The following ZNF91 variants were observed in gnomAD, a reference collection of about 807,000 sequenced individuals.
The protein encoded by ZNF91 is zinc finger protein 91 (HPF7, HTF10).
In ZNF91, 7 loss-of-function variants were observed where a neutral mutation model predicts 12.6. That is an observed-to-expected ratio of 0.55 (90% CI 0.31 to 1.04). The LOEUF (loss-of-function observed/expected upper bound fraction) is 1.04. Among genes scored for constraint, ZNF91 ranks in the 50% least tolerant of loss-of-function variants. The probability of loss-of-function intolerance (pLI) is 0.05; values close to 1 mark genes in which losing one functional copy is unlikely to be tolerated. For missense variants in ZNF91, 1,217 were observed against 1,385.4 expected (o/e 0.88, Z 1.93); for synonymous variants, 453 against 462.6 (o/e 0.98, Z 0.27).
rs530583662 is a variant in ZNF91 at position 23,330,159 on chromosome 19, C to T, written n.117-21062G>A. Among the ~76,000 whole-genome samples, 102 of 152,002 alleles carry T rather than the reference C, an allele frequency of 6.7e-4. 2 individuals carry two copies. Among genetic ancestry groups the T allele is most frequent in the Middle Eastern group, 3.4e-3 (1 of 294 alleles). ...CAGCTTTGTCAACATGGTGAAAGCTCGCCTCTACTAAATATATAAAAATCA... is the reference window on the plus strand; with the variant it reads ...CAGCTTTGTCAACATGGTGAAAGCTTGCCTCTACTAAATATATAAAAATCA... On this transcript the variant is annotated intron_variant and non_coding_transcript_variant, in intron 1 of 1. Transcript: ENST00000596528.
Position 23,373,722 on chromosome 19 carries a change from T to A in ZNF91, c.253+20A>T. 2 of 1,596,130 alleles carry A rather than the reference T, an allele frequency of 1.3e-6. No individual in the cohort carries two copies. The highest frequency in any genetic ancestry group is 3.3e-4 in the Middle Eastern group (2 of 6,004). On this transcript the variant is annotated intron_variant, in intron 3 of 3. Transcript: ENST00000300619. ...TTGGGCCTCTCATCCTTGTCGTCTG[T>A]TGTATTCACTCTCACCTACCTGTGG... is the stretch of plus-strand genomic sequence containing the variant.
In ZNF91 at chr19:23,376,699, A is replaced by G. The variant is rs151247365; in HGVS notation, c.31-1935T>C. On this transcript the variant is annotated intron_variant, in intron 1 of 3. Coordinates refer to ENST00000300619, the MANE Select transcript of ZNF91 (RefSeq NM_003430.4). ...CCACCACGCCTGGCCTATCATAAGC[A>G]TTTTTAAAAGTAGTTAAGACAAACT... Among the ~76,000 whole-genome samples, 1,521 of 152,244 alleles carry G rather than the reference A, an allele frequency of 1.0e-2. 35 individuals are homozygous for G. The highest frequency in any genetic ancestry group is 0.035 in the African/African-American group (1,443 of 41,528).
At chr19:23,390,076 G>A (rs1970009682) in intron 1 of ZNF91, among the ~76,000 whole-genome samples, 1 of 152,130 alleles carries the variant, frequency 6.6e-6, no homozygotes, top group South Asian at 2.1e-4. Flanking sequence ...CACCACTTCG[G>A]GAGGCTGAGA....
intron 1 of ZNF91, among the ~76,000 whole-genome samples, chr19:23,389,734 A>C (rs1568405508): frequency 6.6e-6 from 1 of 152,132 alleles, no homozygotes; most frequent in African/African-American, 2.4e-5. Context: ...TCTGGCACCA[A>C]ATCTGTAGAG....
chr19:23,375,770 G>A (rs908584595), intron 1 of ZNF91, among the ~76,000 whole-genome samples: 1 of 151,976 alleles, frequency 6.6e-6, no homozygotes, highest in African/African-American at 2.4e-5. Context: ...CACATCACCT[G>A]CATAAAGATA....
intron 3 of ZNF91, among the ~76,000 whole-genome samples, chr19:23,364,311 G>A (rs1968917597): frequency 6.6e-6 from 1 of 152,176 alleles, no homozygotes; most frequent in Non-Finnish European, 1.5e-5. Flanking sequence ...GCTGTGCGTG[G>A]TGGCACATGC....
intron 3 of ZNF91, among the ~76,000 whole-genome samples, chr19:23,373,387 A>ATATATATATATATATAT (rs1568395319): frequency 6.4e-5 from 5 of 78,036 alleles, no homozygotes; most frequent in Non-Finnish European, 1.5e-4. Flanking sequence ...TATATATATA[A>ATATATATATATATATAT]ATAAACAGTA....
Position 23,362,453 on chromosome 19 carries a change from G to A in ZNF91, c.526C>T (p.His176Tyr), listed in dbSNP as rs759506688. The A allele has an allele frequency of 1.9e-6, 3 of 1,612,250 alleles. No homozygotes were observed. The highest frequency in any genetic ancestry group is 2.5e-6 in the Non-Finnish European group (3 of 1,179,544). Residue 176 changes from histidine (H) to tyrosine (Y), a missense_variant, in exon 4 of 4, where the codon CAT (histidine) becomes TAT (tyrosine). Around this residue, in one of 2 missense-constraint regions of ZNF91, gnomAD observed 726 missense variants for 895.5 expected, o/e 0.81. Coordinates refer to ENST00000300619, the MANE Select transcript of ZNF91 (RefSeq NM_003430.4). ...FLNSNRHTIRHTGKKCFKCKK... is the reference protein window; with the variant it reads ...FLNSNRHTIRYTGKKCFKCKK... ...CATTTGAAGCATTTCTTTCCAGTAT[G>A]TCTTATCGTATGTCTGTTTGAATTT...
rs1281202367 is a variant in ZNF91 at position 23,395,448 on chromosome 19, G to C, written c.-94C>G. ...CACAGAGCAGTGAAGTCGAGACCTGGAAACTCCGGCGGCAGCGAGAGACAA... is the reference window on the plus strand; with the variant it reads ...CACAGAGCAGTGAAGTCGAGACCTGCAAACTCCGGCGGCAGCGAGAGACAA... On this transcript the variant is annotated 5_prime_UTR_variant, in exon 1 of 4. Coordinates refer to ENST00000300619, the MANE Select transcript of ZNF91 (RefSeq NM_003430.4). 2.7e-6 allele frequency: 4 copies of C among 1,483,734 alleles called. No homozygotes were observed. The highest frequency in any genetic ancestry group is 3.7e-6 in the Non-Finnish European group (4 of 1,086,278). 91.9% of individuals were successfully genotyped at this position (1,483,734 alleles called of 1,614,324 possible). A position where few individuals can be genotyped will look rare whatever the true frequency, so the allele number is the denominator to read the frequency against.
intron 1 of ZNF91, among the ~76,000 whole-genome samples, chr19:23,320,394 CT>C (rs1967663367): frequency 6.6e-6 from 1 of 152,154 alleles, no homozygotes; most frequent in Non-Finnish European, 1.5e-5. Flanking sequence ...CTATAAAGAA[CT>C]GCCCAAGACC....
chr19:23,368,556 C>CTATATA (rs1380653223), intron 3 of ZNF91, among the ~76,000 whole-genome samples: 122 of 117,808 alleles, frequency 1.0e-3, no homozygotes, highest in Middle Eastern at 4.6e-3. Context: ...CTCTCTCTCT[C>CTATATA]TCTCTCTATA....
chr19:23,360,160 C>G lies in ZNF91; in HGVS notation c.2819G>C (p.Cys940Ser). Residue 940 changes from cysteine to serine, a missense_variant, in exon 4 of 4, where the codon TGT becomes TCT. By Grantham distance (112) the Cys-to-Ser change is moderately radical. Transcript: ENST00000300619. ...GCTAAAAGCTTTGCCACATTCTTCA[C>G]ATTTGTAGGGTTTCTCTCCAGTGTG... ...RMHTGEKPYK[C>S]EECGKAFSQS... The G allele has an allele frequency of 6.2e-7, 1 of 1,613,796 alleles. No individual in the cohort carries two copies. Among genetic ancestry groups the G allele is most frequent in the Non-Finnish European group, 8.5e-7 (1 of 1,180,014 alleles).
chr19:23,394,449 G>A (rs1181897325), intron 1 of ZNF91, among the ~76,000 whole-genome samples: 18 of 152,232 alleles, frequency 1.2e-4, no homozygotes, highest in African/African-American at 2.4e-5. Flanking sequence ...TAAGAAACTA[G>A]GCCAGGTGCG....
At position 23,361,032 on chromosome 19, in the gene ZNF91, C is replaced by T. The variant is rs7255296; in HGVS notation, c.1947G>A (p.Lys649=). Residue 649 remains lysine, a synonymous_variant, in exon 4 of 4, where the codon AAG becomes AAA. Coordinates refer to ENST00000300619, the MANE Select transcript of ZNF91 (RefSeq NM_003430.4). ...FSHSSALAKH[K]RIHTGEKPYK... ...AGGGTTTCTCTCCAGTATGAATTCT[C>T]TTATGTTTAGCAAGGGCTGAAGAAT... 0.2 allele frequency: 315,061 copies of T among 1,611,962 alleles called. 32,136 individuals are homozygous for T. The highest frequency in any genetic ancestry group is 0.21 in the Non-Finnish European group (251,706 of 1,178,932).
chr19:23,359,133 A>G lies in ZNF91; in HGVS notation c.*270T>C, dbSNP rs1300522805. 3.7e-6 allele frequency: 2 copies of G among 536,694 alleles called. No homozygotes were observed. The highest frequency in any genetic ancestry group is 7.1e-6 in the Non-Finnish European group (2 of 282,810). The allele number at this position is 536,694 out of a possible 1,614,324, so 33.2% of individuals were successfully genotyped here. A position where few individuals can be genotyped will look rare whatever the true frequency, so the allele number is the denominator to read the frequency against. ...CACATTTGTAGAGTTTTACTCCAGT[A>G]TGAATTACCTTATGTTTAGTAAAGG... On this transcript the variant is annotated 3_prime_UTR_variant, in exon 4 of 4. Transcript: ENST00000300619.
In ZNF91 at chr19:23,362,591, C is replaced by T. The variant is rs1384537207; in HGVS notation, c.388G>A (p.Asp130Asn). The T allele has an allele frequency of 6.2e-7, 1 of 1,601,410 alleles. No individual in the cohort carries two copies. The highest frequency in any genetic ancestry group is 8.5e-7 in the Non-Finnish European group (1 of 1,176,084). ...LQLRKGCKSV[D>N]ECKVHKEGYN... is the part of the protein sequence containing the mutation. The stretch of plus-strand genomic sequence containing the variant: ...CCTTCTTTGTGCACCTTACACTCAT[C>T]CACACTTTTACAACCTTTTCTTAAC... Residue 130 changes from aspartate to asparagine, a missense_variant, in exon 4 of 4, where the codon GAT becomes AAT. Coordinates refer to ENST00000300619, the MANE Select transcript of ZNF91 (RefSeq NM_003430.4).
chr19:23,336,742 C>T (rs1467735162), downstream of ZNF91, among the ~76,000 whole-genome samples: 2 of 152,138 alleles, frequency 1.3e-5, no homozygotes, highest in African/African-American at 4.8e-5. Flanking sequence ...TGCCCTCACT[C>T]ACTATCTGCC....
At chr19:23,306,468 C>T (rs1047054846) in intron 3 of ZNF91, among the ~76,000 whole-genome samples, 15 of 150,370 alleles carry the variant, frequency 1.0e-4, no homozygotes, top group East Asian at 3.9e-4. Flanking sequence ...AACGTATCAC[C>T]GGGCCTTATA....
intron 1 of ZNF91, among the ~76,000 whole-genome samples, chr19:23,390,472 G>C (rs1192345506): frequency 6.6e-6 from 1 of 152,088 alleles, no homozygotes; most frequent in Non-Finnish European, 1.5e-5. Context: ...TTATGGTGGG[G>C]GGGCGGAAAA....
Sources: gnomAD v4.1 joint callset for allele counts (sites outside exome capture counted in the v4.1 genomes callset) on GRCh38, gnomAD v4.1.1 for gene constraint, gnomAD v4.1.1 regional missense constraint, MANE v1.5 for transcripts, NCBI Gene and HGNC (gene_info 2026-07-23, HGNC 2026-07-21) for gene names.